Variants in CACNA2D3 observed in about 807,000 individuals in gnomAD.
CACNA2D3 encodes voltage-dependent calcium channel subunit alpha-2/delta-3.
Under a neutral mutation model 160.6 loss-of-function variants are expected in CACNA2D3, and 60 were observed. The observed-to-expected ratio is 0.37, with a 90% CI of 0.30 to 0.46. The LOEUF (loss-of-function observed/expected upper bound fraction) is 0.46. Among genes scored for constraint, CACNA2D3 ranks in the 20% least tolerant of loss-of-function variants. CACNA2D3 has a pLI of 1.00. For missense variants in CACNA2D3, 1,205 were observed against 1,365.0 expected, an observed-to-expected ratio of 0.88 and a Z score of 1.85; for synonymous variants, 558 against 492.9, an observed-to-expected ratio of 1.13 and a Z score of -1.75.
intron 2 of CACNA2D3, among the ~76,000 whole-genome samples, chr3:54,287,792 G>A (rs11130412): frequency 0.56 from 78,675 of 141,704 alleles, 23,102 homozygotes; most frequent in East Asian, 0.71. Context: ...CCGCTCAACT[G>A]CATGGAAACT....
intron 2 of CACNA2D3, among the ~76,000 whole-genome samples, chr3:54,205,399 G>C (rs779451948): frequency 6.6e-6 from 1 of 152,154 alleles, no homozygotes; most frequent in Non-Finnish European, 1.5e-5. Flanking sequence ...AGCTGCAAGT[G>C]AAAATTTAAA....
Position 54,427,588 on chromosome 3 carries a change from G to T in CACNA2D3, c.381+40814G>T, listed in dbSNP as rs540061115. ...AAATCTTAAATGTAAATTTAACTGT[G>T]CCTCCTGTATTTTTATTTGCTGAAT... is the stretch of plus-strand genomic sequence containing the variant. On this transcript the variant is annotated intron_variant, in intron 4 of 37. Coordinates refer to ENST00000474759, the MANE Select transcript of CACNA2D3 (RefSeq NM_018398.3). 2.6e-5 allele frequency among the ~76,000 whole-genome samples: 4 copies of T among 152,230 alleles called. No homozygotes were observed. The South Asian group carries it at 8.3e-4, about 32-fold the overall frequency.
At chr3:54,581,435 A>G (rs1702675548) in intron 8 of CACNA2D3, among the ~76,000 whole-genome samples, 1 of 152,182 alleles carries the variant, frequency 6.6e-6, no homozygotes, top group Non-Finnish European at 1.5e-5. Flanking sequence ...CTGGAGCTGT[A>G]TCCACGCAAC....
intron 11 of CACNA2D3, among the ~76,000 whole-genome samples, chr3:54,717,788 T>A (rs1041122229): frequency 1.2e-5 from 1 of 82,820 alleles, no homozygotes; most frequent in African/African-American, 4.7e-5. Flanking sequence ...TGCATGTGCG[T>A]GTGTGGTGTG....
rs968249060 is a variant in CACNA2D3, at chr3:55,037,325, G to A, written c.2987+19008G>A. Among the ~76,000 whole-genome samples the A allele has an allele frequency of 3.9e-5, 6 of 152,100 alleles. No homozygotes were observed. In the South Asian group the frequency reaches 8.3e-4, roughly 21 times the overall value. On this transcript the variant is annotated intron_variant, in intron 35 of 37. Coordinates refer to ENST00000474759, the MANE Select transcript of CACNA2D3 (RefSeq NM_018398.3). Reference sequence around the variant, plus strand: ...AAACACAACTGGCTCAGAGAAAGATGGTGAACCTACAGCTTAAAGTTGAAC... The same window carrying A: ...AAACACAACTGGCTCAGAGAAAGATAGTGAACCTACAGCTTAAAGTTGAAC...
intron 4 of CACNA2D3, among the ~76,000 whole-genome samples, chr3:54,430,088 A>T (rs1386755207): frequency 6.6e-6 from 1 of 152,222 alleles, no homozygotes; most frequent in Non-Finnish European, 1.5e-5. Context: ...CCATAGTATG[A>T]ATTAATCATA....
chr3:54,641,583 G>T (rs899568479), intron 10 of CACNA2D3, among the ~76,000 whole-genome samples: 1 of 152,208 alleles, frequency 6.6e-6, no homozygotes, highest in Non-Finnish European at 1.5e-5. Flanking sequence ...TCCCCCACAG[G>T]AGAAGACTTT....
chr3:54,714,180 A>G (rs1487505111), intron 11 of CACNA2D3, among the ~76,000 whole-genome samples: 1 of 152,190 alleles, frequency 6.6e-6, no homozygotes, highest in African/African-American at 2.4e-5. Flanking sequence ...GATGAAAGAC[A>G]AGATGATATT....
chr3:54,763,519 T>C (rs1702123114), intron 12 of CACNA2D3, among the ~76,000 whole-genome samples: 1 of 151,442 alleles, frequency 6.6e-6, no homozygotes, highest in Admixed American at 6.6e-5. Context: ...CCCTTGGAAA[T>C]AGACTCACAA....
intron 2 of CACNA2D3, among the ~76,000 whole-genome samples, chr3:54,173,139 A>C (rs1171717949): frequency 6.6e-6 from 1 of 152,238 alleles, no homozygotes; most frequent in Admixed American, 6.5e-5. Flanking sequence ...CAAGGAGTAC[A>C]TCAGCAATAT....
intron 23 of CACNA2D3, among the ~76,000 whole-genome samples, chr3:54,887,434 TAAAC>T (rs1394428519): frequency 3.3e-5 from 5 of 151,620 alleles, no homozygotes; most frequent in East Asian, 1.9e-4. Context: ...CTCAAAAAAA[TAAAC>T]AAATAAATAA....
intron 34 of CACNA2D3, among the ~76,000 whole-genome samples, chr3:55,012,101 C>T (rs182532256): frequency 6.6e-6 from 1 of 152,232 alleles, no homozygotes; most frequent in Non-Finnish European, 1.5e-5. Flanking sequence ...GGTTAGGCAC[C>T]CTGGGTAGCC....
rs551429795 is a variant in CACNA2D3 at position 54,654,018 on chromosome 3, T to G, written c.1167+11777T>G. ...TTAGCCCCACCCAATGGGGAGCACT[T>G]CTAGTAGCATTCTTATTTTGCAGGT... On this transcript the variant is annotated intron_variant, in intron 11 of 37. Transcript: ENST00000474759. Among the ~76,000 whole-genome samples, 391 of 152,246 alleles carry G rather than the reference T, an allele frequency of 2.6e-3. 3 individuals are homozygous for G. The highest frequency in any genetic ancestry group is 9.0e-3 in the African/African-American group (375 of 41,540).
chr3:54,173,870 A>G (rs888846509), intron 2 of CACNA2D3, among the ~76,000 whole-genome samples: 4 of 152,222 alleles, frequency 2.6e-5, no homozygotes, highest in Admixed American at 6.5e-5. Flanking sequence ...ATAGAGTGTC[A>G]GCGTGGTTTG....
intron 35 of CACNA2D3, among the ~76,000 whole-genome samples, chr3:55,072,219 C>G (rs955991425): frequency 1.3e-4 from 20 of 152,182 alleles, no homozygotes; most frequent in Admixed American, 7.2e-4. Flanking sequence ...GAGGAAACAT[C>G]TTTGCACAGT....
At chr3:54,460,132 T>C (rs1378860957) in intron 4 of CACNA2D3, among the ~76,000 whole-genome samples, 1 of 151,624 alleles carries the variant, frequency 6.6e-6, no homozygotes, top group African/African-American at 2.4e-5. Context: ...CATTGATCTA[T>C]ATCTCTGTTT....
At chr3:54,807,532 A>G (rs1046944808) in intron 13 of CACNA2D3, among the ~76,000 whole-genome samples, 63 of 152,198 alleles carry the variant, frequency 4.1e-4, no homozygotes, top group Non-Finnish European at 6.0e-4. Flanking sequence ...TTAGAATGGC[A>G]ATCATTTAAA....
At chr3:55,056,834 T>TA (rs1407083197) in intron 35 of CACNA2D3, among the ~76,000 whole-genome samples, 2 of 152,076 alleles carry the variant, frequency 1.3e-5, no homozygotes, top group African/African-American at 4.8e-5. Flanking sequence ...GTTTGAAGGG[T>TA]AAAAAATCTC....
chr3:54,172,777 T>C (rs1700602199), intron 2 of CACNA2D3, among the ~76,000 whole-genome samples: 1 of 152,258 alleles, frequency 6.6e-6, no homozygotes, highest in South Asian at 2.1e-4. Context: ...GATTCATTTC[T>C]TCAAGGTACA....
Sources: allele counts gnomAD v4.1 joint callset (sites outside exome capture counted in the v4.1 genomes callset), GRCh38; gene constraint gnomAD v4.1.1; transcripts MANE v1.5; gene names NCBI Gene and HGNC (gene_info 2026-07-23, HGNC 2026-07-21).